SIX5: variants seen among roughly 807,000 people sequenced by gnomAD.
The protein encoded by SIX5 is SIX homeobox 5.
SIX5 carries 21 observed loss-of-function variants against 37.1 expected under a neutral mutation model. That is an observed-to-expected ratio of 0.57 (90% CI 0.40 to 0.81). The LOEUF (loss-of-function observed/expected upper bound fraction) is 0.81, where lower values mean the gene tolerates loss of function less well. SIX5 is among the 40% of genes least tolerant of loss of function. The pLI is 0.00. For synonymous variants in SIX5, 626 were observed against 505.9 expected (o/e 1.24, Z -3.19); for missense variants, 1,137 against 1,025.1 (o/e 1.11, Z -1.49).
Position 45,768,234 on chromosome 19 carries a change from G to C in SIX5, c.611C>G (p.Thr204Arg). 6.2e-7 allele frequency: 1 copy of C among 1,613,172 alleles called. No individual in the cohort carries two copies. Among genetic ancestry groups the C allele is most frequent in the African/African-American group, 1.3e-5 (1 of 75,056 alleles). The change falls in exon 1 of 3, where the codon ACA becomes AGA. Residue 204 changes from threonine (T) to arginine (R), a missense_variant. Physicochemically the swap from Thr to Arg is moderately conservative, Grantham distance 71. Coordinates refer to ENST00000317578, the MANE Select transcript of SIX5 (RefSeq NM_175875.5). ...LPKTIWDGEE[T>R]VYCFKERSRA... is the part of the protein sequence containing the mutation. ...GGAGCGCTCCTTGAAGCAGTAGACT[G>C]TCTCCTCGCCGTCCCAGATGGTCTT... is the stretch of plus-strand genomic sequence containing the variant.
chr19:45,769,018 C>T lies in SIX5; in HGVS notation c.-174G>A, dbSNP rs971632560. 3.2e-6 allele frequency: 2 copies of T among 620,144 alleles called. No homozygotes were observed. The highest frequency in any genetic ancestry group is 1.9e-5 in the African/African-American group (1 of 53,586). The allele number at this position is 620,144 out of a possible 1,614,324, so 38.4% of individuals were successfully genotyped here. A position where few individuals can be genotyped will look rare whatever the true frequency, so the allele number is the denominator to read the frequency against. ...GCGAGATCCAGCTCTCCACTCGGGT[C>T]TCTGTCCCCTTGTGTGTGTCCGTCC... On this transcript the variant is annotated 5_prime_UTR_variant, in exon 1 of 3. Transcript: ENST00000317578.
rs1366287645 is a variant in SIX5, at chr19:45,766,744, G to A, written c.1215C>T (p.Thr405=). 3 of 1,577,564 alleles carry A rather than the reference G, an allele frequency of 1.9e-6. No homozygotes were observed. In the South Asian group the frequency reaches 3.5e-5, roughly 18 times the overall value. ...CCGGAGCAGCCACCTGGGCCCCTTT[G>A]GTCTCAGGGGCCTCCGACTGAGCCT... is the stretch of plus-strand genomic sequence containing the variant. ...LEEAQSEAPE[T]KGAQVAAPGP... is the part of the protein sequence containing the mutation. The change falls in exon 2 of 3, where the codon ACC becomes ACT. Residue 405 remains threonine, a synonymous_variant. Transcript: ENST00000317578.
chr19:45,765,252 G>A lies in SIX5; in HGVS notation c.*249C>T, dbSNP rs779606423. The A allele has an allele frequency of 1.8e-5, 11 of 597,230 alleles. No homozygotes were observed. The highest frequency in any genetic ancestry group is 2.8e-5 in the Admixed American group (1 of 35,296). The allele number at this position is 597,230 out of a possible 1,614,324, so 37.0% of individuals were successfully genotyped here. ...TGAGTCAGGACCCTGAGTCCCCCAC[G>A]TATATGGCAGGGCACAGCATGGGGA... On this transcript the variant is annotated 3_prime_UTR_variant, in exon 3 of 3. Transcript: ENST00000317578.
Position 45,768,383 on chromosome 19 carries a change from G to A in SIX5, c.462C>T (p.Ala154=), listed in dbSNP as rs1221611398. 7 of 1,581,568 alleles carry A rather than the reference G, an allele frequency of 4.4e-6. No homozygotes were observed. The highest frequency in any genetic ancestry group is 1.3e-5 in the African/African-American group (1 of 74,614). Residue 154 remains alanine, a synonymous_variant, in exon 1 of 3, where the codon GCC becomes GCT. Coordinates refer to ENST00000317578, the MANE Select transcript of SIX5 (RefSeq NM_175875.5). ...YRLLESRPFP[A]AHHAFLQDLY... ...GGTCCTGCAGGAAGGCGTGGTGGGC[G>A]GCGGGGAAGGGGCGGCTCTCGAGTA...
rs1568564268 is a variant in SIX5, at chr19:45,766,555, G to A, written c.1404C>T (p.Pro468=). 1 of 1,480,682 alleles carries A rather than the reference G, an allele frequency of 6.8e-7. No homozygotes were observed. The highest frequency in any genetic ancestry group is 2.5e-5 in the East Asian group (1 of 40,094). 91.7% of individuals were successfully genotyped at this position (1,480,682 alleles called of 1,614,324 possible). A position where few individuals can be genotyped will look rare whatever the true frequency, so the allele number is the denominator to read the frequency against. Residue 468 remains proline, a synonymous_variant, in exon 2 of 3, where the codon CCC becomes CCT. Coordinates refer to ENST00000317578, the MANE Select transcript of SIX5 (RefSeq NM_175875.5). ...GGGGCAGGTTCAATAGTGGGGAGGT[G>A]GGGCTCAGGCCCGTGGGATACCCCG... The part of the protein sequence containing the change: ...PPPGYPTGLS[P]TSPLLNLPQV...
intron 1 of SIX5, among the ~76,000 whole-genome samples, chr19:45,767,472 G>A (rs1969102039): frequency 6.6e-6 from 1 of 152,236 alleles, no homozygotes; most frequent in Admixed American, 6.5e-5. Flanking sequence ...TGGAGAGAGG[G>A]AGCAGCAGCC....
Position 45,765,387 on chromosome 19 carries a change from G to A in SIX5, c.*114C>T, listed in dbSNP as rs1276319665. 6.7e-7 allele frequency: 1 copy of A among 1,486,804 alleles called. No homozygotes were observed. Among genetic ancestry groups the A allele is most frequent in the South Asian group, 1.1e-5 (1 of 87,964 alleles). The allele number at this position is 1,486,804 out of a possible 1,614,324, so 92.1% of individuals were successfully genotyped here. The stretch of plus-strand genomic sequence containing the variant: ...AGGGCTTGGAGAGGCCACCCAGGCA[G>A]AAGGATGTGGTGACTGGGGTCTTCA... On this transcript the variant is annotated 3_prime_UTR_variant, in exon 3 of 3. Transcript: ENST00000317578.
rs1969152716 is a variant in SIX5, at chr19:45,768,796, C to T, written c.49G>A (p.Glu17Lys). Residue 17 changes from glutamate to lysine, a missense_variant, in exon 1 of 3, where the codon GAG becomes AAG. By Grantham distance (56) the Glu-to-Lys change is moderately conservative. Coordinates refer to ENST00000317578, the MANE Select transcript of SIX5 (RefSeq NM_175875.5). The stretch of plus-strand genomic sequence containing the variant: ...GTCGCCGCCGCCGCCGCCACCGCCT[C>T]CCCCCCAGCCGCCGGCCCCGCGCTC... ...EPSAGPAAGGEAVAAAAATEE... is the reference protein window; with the variant it reads ...EPSAGPAAGGKAVAAAAATEE... 3 of 1,524,630 alleles carry T rather than the reference C, an allele frequency of 2.0e-6. No homozygotes were observed. The highest frequency in any genetic ancestry group is 2.6e-6 in the Non-Finnish European group (3 of 1,141,464). 94.4% of individuals were successfully genotyped at this position (1,524,630 alleles called of 1,614,324 possible).
Position 45,766,462 on chromosome 19 carries a change from G to C in SIX5, c.1497C>G (p.Ala499=), listed in dbSNP as rs372106524. 7 of 1,536,420 alleles carry C rather than the reference G, an allele frequency of 4.6e-6. No individual in the cohort carries two copies. Among genetic ancestry groups the C allele is most frequent in the South Asian group, 1.2e-5 (1 of 82,188 alleles). ...CCACCTTCACAGGGCTGCCTGGCCC[G>C]GCTGCCAACAGCTGCAGGGGCCCCA... is the stretch of plus-strand genomic sequence containing the variant. ...QAVGPLQLLA[A]GPGSPVKVAA... Residue 499 remains alanine, a synonymous_variant, in exon 2 of 3, where the codon GCC becomes GCG. Transcript: ENST00000317578.
chr19:45,766,529 T>G lies in SIX5; in HGVS notation c.1430A>C (p.Gln477Pro). 6.7e-7 allele frequency: 1 copy of G among 1,495,638 alleles called. No homozygotes were observed. Among genetic ancestry groups the G allele is most frequent in the Non-Finnish European group, 9.0e-7 (1 of 1,115,340 alleles). The allele number at this position is 1,495,638 out of a possible 1,614,324, so 92.6% of individuals were successfully genotyped here. A position where few individuals can be genotyped will look rare whatever the true frequency, so the allele number is the denominator to read the frequency against. The change falls in exon 2 of 3, where the codon CAG becomes CCG. Residue 477 changes from glutamine (Q) to proline (P), a missense_variant. By Grantham distance (76) the Gln-to-Pro change is moderately conservative. Around this residue, in one of 3 missense-constraint regions of SIX5, gnomAD observed 787 missense variants for 621.4 expected, o/e 1.27. Coordinates refer to ENST00000317578, the MANE Select transcript of SIX5 (RefSeq NM_175875.5). ...CACCACCTGTGAGGTGGGTACTACC[T>G]GGGGCAGGTTCAATAGTGGGGAGGT... ...SPTSPLLNLP[Q>P]VVPTSQVVTL...
rs750346239 is a variant in SIX5 at position 45,766,754 on chromosome 19, G to A, written c.1205C>T (p.Ala402Val). The change falls in exon 2 of 3, where the codon GCC becomes GTC. Residue 402 changes from alanine (A) to valine (V), a missense_variant. By Grantham distance (64) the Ala-to-Val change is moderately conservative (BLOSUM62 0). Around this residue, in one of 3 missense-constraint regions of SIX5, gnomAD observed 787 missense variants for 621.4 expected, o/e 1.27. Transcript: ENST00000317578. ...CACCTGGGCCCCTTTGGTCTCAGGGGCCTCCGACTGAGCCTCCTCCAGCCG... is the reference window on the plus strand; with the variant it reads ...CACCTGGGCCCCTTTGGTCTCAGGGACCTCCGACTGAGCCTCCTCCAGCCG... Reference protein sequence around the residue: ...EVRLEEAQSEAPETKGAQVAA... With the variant: ...EVRLEEAQSEVPETKGAQVAA... 9 of 1,580,248 alleles carry A rather than the reference G, an allele frequency of 5.7e-6. No homozygotes were observed. Among genetic ancestry groups the A allele is most frequent in the Admixed American group, 3.5e-5 (2 of 57,026 alleles).
chr19:45,767,842 T>A (rs1340636187), intron 1 of SIX5, 200 bp downstream of exon 1: 8 of 592,052 alleles, frequency 1.4e-5, no homozygotes, highest in Non-Finnish European at 2.4e-5. Flanking sequence ...AGGAGACGCG[T>A]GCGGGGAGAG....
At chr19:45,766,171 G>T in intron 2 of SIX5, 60 bp from the exon 3 acceptor site, 2 of 1,576,452 alleles carry the variant, frequency 1.3e-6, no homozygotes, top group Non-Finnish European at 1.7e-6. Flanking sequence ...AAGCCAGAGA[G>T]AAGTGGAGAC....
rs903976524 is a variant in SIX5, at chr19:45,766,617, C to G, written c.1342G>C (p.Val448Leu). The G allele has an allele frequency of 1.1e-5, 16 of 1,471,050 alleles. 1 individual carries two copies. The highest frequency in any genetic ancestry group is 9.9e-5 in the Admixed American group (4 of 40,538). 91.1% of individuals were successfully genotyped at this position (1,471,050 alleles called of 1,614,324 possible). The change falls in exon 2 of 3, where the codon GTG becomes CTG. Residue 448 changes from valine to leucine, a missense_variant. Coordinates refer to ENST00000317578, the MANE Select transcript of SIX5 (RefSeq NM_175875.5). ...AGCGGTACCACTTGTGGGGCAGCCA[C>G]AGCAGGCACTGGCCCCGGGGGCAGA... ...FPLPPGPVPA[V>L]AAPQVVPLSP...
At chr19:45,767,245 C>T in intron 1 of SIX5, 90 bp from the exon 2 acceptor site, 1 of 1,387,814 alleles carries the variant, frequency 7.2e-7, no homozygotes. Context: ...TTTCCCTGGC[C>T]CAAGTTTCGG....
Position 45,765,169 on chromosome 19 carries a change from G to A in SIX5, c.*332C>T, listed in dbSNP as rs527560484. ...AGAGGGCTCTGGGGGCTGGAAGTCC[G>A]GCCCTGGGGCAGGGTGTTCCGCTTA... On this transcript the variant is annotated 3_prime_UTR_variant, in exon 3 of 3. Coordinates refer to ENST00000317578, the MANE Select transcript of SIX5 (RefSeq NM_175875.5). 81 of 445,390 alleles carry A rather than the reference G, an allele frequency of 1.8e-4. No individual in the cohort carries two copies. Among genetic ancestry groups the A allele is most frequent in the African/African-American group, 1.2e-3 (61 of 50,520 alleles). The allele number at this position is 445,390 out of a possible 1,614,324, so 27.6% of individuals were successfully genotyped here.
In SIX5 at chr19:45,769,059, G is replaced by C. The variant is rs1049717243; in HGVS notation, c.-215C>G. 1 of 518,146 alleles carries C rather than the reference G, an allele frequency of 1.9e-6. No individual in the cohort carries two copies. The highest frequency in any genetic ancestry group is 2.6e-5 in the South Asian group (1 of 37,888). 32.1% of individuals were successfully genotyped at this position (518,146 alleles called of 1,614,324 possible). On this transcript the variant is annotated 5_prime_UTR_variant, in exon 1 of 3. Coordinates refer to ENST00000317578, the MANE Select transcript of SIX5 (RefSeq NM_175875.5). ...GTGTCCGTCCCCCTCCCGTCTGTCT[G>C]TGATTCTCCCTTTGTTTTCCCTCCG...
rs772285815 is a variant in SIX5, at chr19:45,766,935, G to T, written c.1024C>A (p.Pro342Thr). ...GSPAVLLNGG[P>T]VIINGLALGE... ...AGGGCCAGGCCGTTGATGATGACGG[G>T]GCCCCCGTTGAGGAGCACTGCTGGG... Residue 342 changes from proline (P) to threonine (T), a missense_variant, in exon 2 of 3, where the codon CCC (proline) becomes ACC (threonine). This residue lies in a region of SIX5 where 787 missense variants were observed against 621.4 expected (regional missense o/e 1.27). Transcript: ENST00000317578. 2 of 1,569,796 alleles carry T rather than the reference G, an allele frequency of 1.3e-6. No homozygotes were observed.
In SIX5 at chr19:45,766,998, T is replaced by C; in HGVS notation, c.961A>G (p.Ile321Val). 1.2e-6 allele frequency: 2 copies of C among 1,606,004 alleles called. No individual in the cohort carries two copies. Among genetic ancestry groups the C allele is most frequent in the Non-Finnish European group, 1.7e-6 (2 of 1,177,864 alleles). Residue 321 changes from isoleucine (I) to valine (V), a missense_variant, in exon 2 of 3, where the codon ATC becomes GTC. Coordinates refer to ENST00000317578, the MANE Select transcript of SIX5 (RefSeq NM_175875.5). ...PPAPCPASSS[I>V]LVNGSFLAAS... ...GCCAGGAAGCTCCCGTTCACCAGGA[T>C]GGAGGAGGAAGCCGGGCAAGGCGCG...
Sources: gnomAD v4.1 joint callset for allele counts (sites outside exome capture counted in the v4.1 genomes callset) on GRCh38, gnomAD v4.1.1 for gene constraint, gnomAD v4.1.1 regional missense constraint, MANE v1.5 for transcripts, NCBI Gene and HGNC (gene_info 2026-07-23, HGNC 2026-07-21) for gene names.